CSMD1: variants seen among roughly 807,000 people sequenced by gnomAD.
CSMD1 encodes the protein CUB and Sushi multiple domains 1, also known as CUB and sushi domain-containing protein 1.
A neutral mutation model predicts 417.5 loss-of-function variants in CSMD1; 213 were observed. The ratio of observed to expected loss-of-function variants is 0.51; its 90% CI spans 0.46 to 0.57. CSMD1 has a LOEUF of 0.57. Ranked by LOEUF, CSMD1 falls within the 20% of genes least tolerant of loss-of-function variation. CSMD1 has a pLI of 0.00. For missense variants in CSMD1, 6,923 were observed against 4,529.7 expected, an observed-to-expected ratio of 1.53 and a Z score of -15.17; for synonymous variants, 2,862 against 1,736.8, an observed-to-expected ratio of 1.65 and a Z score of -16.11.
intron 5 of CSMD1, among the ~76,000 whole-genome samples, chr8:3,762,809 C>A (rs184418687): frequency 1.3e-5 from 2 of 152,306 alleles, no homozygotes; most frequent in African/African-American, 4.8e-5. Flanking sequence ...GGGAGAGCCA[C>A]CCACGCAGCC....
chr8:3,295,610 A>T (rs955426735), intron 25 of CSMD1, among the ~76,000 whole-genome samples: 1 of 152,194 alleles, frequency 6.6e-6, no homozygotes, highest in African/African-American at 2.4e-5. Context: ...TGATGCAAGG[A>T]TCTTTCTAGG....
At chr8:3,516,087 G>A (rs1184561448) in intron 10 of CSMD1, among the ~76,000 whole-genome samples, 1 of 146,714 alleles carries the variant, frequency 6.8e-6, no homozygotes, top group East Asian at 1.9e-4. Flanking sequence ...AGCTCAGACA[G>A]CCTGGTTACT....
intron 6 of CSMD1, among the ~76,000 whole-genome samples, chr8:3,715,678 G>A (rs1801790518): frequency 6.6e-6 from 1 of 152,088 alleles, no homozygotes; most frequent in Non-Finnish European, 1.5e-5. Flanking sequence ...GAGTAGCCGG[G>A]ATTACAGGCA....
At chr8:3,745,143 A>T (rs1385757668) in intron 6 of CSMD1, among the ~76,000 whole-genome samples, 1 of 152,238 alleles carries the variant, frequency 6.6e-6, no homozygotes, top group Admixed American at 6.5e-5. Flanking sequence ...TACTTTCAAA[A>T]CAAATTTCAA....
intron 12 of CSMD1, among the ~76,000 whole-genome samples, chr8:3,414,239 A>AAAAAAGG (rs71199574): frequency 7.4e-6 from 1 of 135,634 alleles, no homozygotes; most frequent in Non-Finnish European, 1.6e-5. Context: ...AAAAAAAAAA[A>AAAAAAGG]TGCTGTACAA....
chr8:3,596,700 T>G (rs1801111243), intron 8 of CSMD1, among the ~76,000 whole-genome samples: 1 of 151,982 alleles, frequency 6.6e-6, no homozygotes, highest in South Asian at 2.1e-4. Flanking sequence ...TATCCAGGCT[T>G]AAGGAGCACC....
intron 1 of CSMD1, among the ~76,000 whole-genome samples, chr8:4,925,336 G>C (rs917624345): frequency 6.9e-6 from 1 of 144,282 alleles, no homozygotes; most frequent in Non-Finnish European, 1.5e-5. Flanking sequence ...ACGGGGTCAT[G>C]TGTTGTCACA....
intron 5 of CSMD1, among the ~76,000 whole-genome samples, chr8:3,757,153 C>T (rs1229123701): frequency 1.3e-5 from 2 of 152,020 alleles, no homozygotes; most frequent in East Asian, 3.9e-4. Context: ...ACAAATAAAT[C>T]CCCTCTCTAC....
intron 2 of CSMD1, among the ~76,000 whole-genome samples, chr8:4,420,289 T>A (rs1417795648): frequency 6.6e-6 from 1 of 152,154 alleles, no homozygotes; most frequent in Non-Finnish European, 1.5e-5. Context: ...GAGAATTTCT[T>A]CTTGAAAATA....
At chr8:4,774,764 CTTG>C (rs1796762705) in intron 1 of CSMD1, among the ~76,000 whole-genome samples, 1 of 152,122 alleles carries the variant, frequency 6.6e-6, no homozygotes, top group Admixed American at 6.6e-5. Flanking sequence ...CCCAGGAGAC[CTTG>C]TTGTTTAAAA....
At chr8:4,189,448 G>C (rs932650322) in intron 3 of CSMD1, among the ~76,000 whole-genome samples, 2 of 152,158 alleles carry the variant, frequency 1.3e-5, no homozygotes, top group African/African-American at 4.8e-5. Flanking sequence ...GTCCAGCAAA[G>C]TATGTTTGCA....
At chr8:2,946,579 C>G (rs1393292330) in intron 68 of CSMD1, among the ~76,000 whole-genome samples, 1 of 152,154 alleles carries the variant, frequency 6.6e-6, no homozygotes, top group Non-Finnish European at 1.5e-5. Context: ...CTTTATTCTT[C>G]TTCAGTGCTG....
intron 1 of CSMD1, among the ~76,000 whole-genome samples, chr8:4,857,550 A>C (rs1801877127): frequency 6.6e-6 from 1 of 152,240 alleles, no homozygotes; most frequent in Admixed American, 6.5e-5. Flanking sequence ...GAGAAGAATC[A>C]AATAGACGCA....
At chr8:2,957,597 TA>T (rs1803108009) in intron 63 of CSMD1, 98 bp downstream of exon 63, 6 of 842,578 alleles carry the variant, frequency 7.1e-6, no homozygotes, top group Non-Finnish European at 1.1e-5. Flanking sequence ...ATTAGGGAAT[TA>T]AAAACAATTT....
intron 3 of CSMD1, among the ~76,000 whole-genome samples, chr8:4,351,591 C>A (rs1801096731): frequency 6.6e-6 from 1 of 152,148 alleles, no homozygotes; most frequent in Non-Finnish European, 1.5e-5. Flanking sequence ...TGCAAAAATC[C>A]TGAAAGAGAC....
chr8:4,050,935 T>A (rs1798392622), intron 3 of CSMD1, among the ~76,000 whole-genome samples: 1 of 152,036 alleles, frequency 6.6e-6, no homozygotes, highest in African/African-American at 2.4e-5. Context: ...TATATTCCCA[T>A]CCATGATAAG....
intron 1 of CSMD1, among the ~76,000 whole-genome samples, chr8:4,820,986 C>A (rs1163139814): frequency 1.3e-5 from 2 of 152,128 alleles, no homozygotes; most frequent in Non-Finnish European, 2.9e-5. Context: ...GTAAGAGACA[C>A]AATCTGCACG....
chr8:4,405,951 C>G lies in CSMD1; in HGVS notation c.415+14002G>C, dbSNP rs1366170135. 2.0e-5 allele frequency among the ~76,000 whole-genome samples: 3 copies of G among 152,264 alleles called. No individual in the cohort carries two copies. The East Asian group carries it at 5.8e-4, about 29-fold the overall frequency. ...CCTTTAATTAGTATCCTGAGTAATG[C>G]CTTCTGTTCTGCTCGCCTGTCCTGT... On this transcript the variant is annotated intron_variant, in intron 3 of 69. Coordinates refer to ENST00000635120, the MANE Select transcript of CSMD1 (RefSeq NM_033225.6).
chr8:4,708,634 G>A (rs900868045), intron 1 of CSMD1, among the ~76,000 whole-genome samples: 6 of 151,828 alleles, frequency 4.0e-5, no homozygotes, highest in South Asian at 2.1e-4. Flanking sequence ...AATTTCTAGT[G>A]TTTTCTGTCA....
Sources: gnomAD v4.1 joint callset for allele counts (sites outside exome capture counted in the v4.1 genomes callset) on GRCh38, gnomAD v4.1.1 for gene constraint, MANE v1.5 for transcripts, NCBI Gene and HGNC (gene_info 2026-07-23, HGNC 2026-07-21) for gene names.